FRAS1: variants seen among roughly 807,000 people sequenced by gnomAD.
FRAS1 encodes Fraser extracellular matrix complex subunit 1, also known as extracellular matrix organizing protein FRAS1.
Under a neutral mutation model 435.2 loss-of-function variants are expected in FRAS1, and 290 were observed. The observed-to-expected ratio is 0.67, with a 90% CI of 0.61 to 0.73. The LOEUF (loss-of-function observed/expected upper bound fraction) is 0.73. Among genes scored for constraint, FRAS1 ranks in the 30% least tolerant of loss-of-function variants. The probability of loss-of-function intolerance (pLI) is 0.00; values close to 1 mark genes in which losing one functional copy is unlikely to be tolerated. For missense variants in FRAS1, 4,860 were observed against 5,001.5 expected (o/e 0.97, Z 0.85); for synonymous variants, 1,800 against 1,851.0 (o/e 0.97, Z 0.71).
chr4:78,284,298 C>A, intron 12 of FRAS1, 107 bp from the exon 13 acceptor site: 5 of 581,622 alleles, frequency 8.6e-6, no homozygotes, highest in East Asian at 8.3e-5. Context: ...TTCTGTTCTT[C>A]ATGTTCTATG....
chr4:78,522,980 CAGG>C (rs1721433499), intron 69 of FRAS1, among the ~76,000 whole-genome samples, 172 bp downstream of exon 69: 2 of 152,162 alleles, frequency 1.3e-5, no homozygotes, highest in South Asian at 4.1e-4. Flanking sequence ...CCCAGCTACT[CAGG>C]AGGATCACTT....
intron 9 of FRAS1, among the ~76,000 whole-genome samples, chr4:78,276,383 G>T (rs1578222640): frequency 6.6e-6 from 1 of 152,338 alleles, no homozygotes; most frequent in South Asian, 2.1e-4. Context: ...TGGAGGGGTA[G>T]AGGTGCTCTG....
intron 9 of FRAS1, among the ~76,000 whole-genome samples, chr4:78,270,127 T>G (rs1443501315): frequency 6.6e-6 from 1 of 152,136 alleles, no homozygotes; most frequent in Non-Finnish European, 1.5e-5. Flanking sequence ...CTAATTGGAG[T>G]GAACTCCCCA....
At chr4:78,342,127 C>T (rs1299115152) in intron 20 of FRAS1, among the ~76,000 whole-genome samples, 1 of 152,180 alleles carries the variant, frequency 6.6e-6, no homozygotes, top group African/African-American at 2.4e-5. Context: ...TTGGGAAGTC[C>T]TAGCTCATGG....
chr4:78,210,681 G>A (rs1303054055), intron 2 of FRAS1, among the ~76,000 whole-genome samples: 1 of 152,200 alleles, frequency 6.6e-6, no homozygotes, highest in Non-Finnish European at 1.5e-5. Flanking sequence ...CTACGAGAAG[G>A]ATGATACAAT....
intron 3 of FRAS1, among the ~76,000 whole-genome samples, chr4:78,240,449 G>C (rs1235963798): frequency 2.0e-5 from 3 of 152,088 alleles, no homozygotes; most frequent in East Asian, 3.9e-4. Context: ...AAGGAGAAAC[G>C]ACTGCCATAT....
intron 2 of FRAS1, among the ~76,000 whole-genome samples, chr4:78,192,581 T>C (rs1389109957): frequency 6.6e-6 from 1 of 152,232 alleles, no homozygotes; most frequent in Admixed American, 6.5e-5. Context: ...TAGTATTCTC[T>C]GATGGTAGTT....
chr4:78,432,281 G>A (rs1282640221), intron 37 of FRAS1, 76 bp from the exon 38 acceptor site: 2 of 1,426,528 alleles, frequency 1.4e-6, no homozygotes, highest in East Asian at 5.0e-5. Flanking sequence ...TTAAAGTCCT[G>A]AAAACAAAGG....
intron 26 of FRAS1, among the ~76,000 whole-genome samples, chr4:78,378,787 A>G (rs187638430): frequency 2.0e-5 from 3 of 152,210 alleles, no homozygotes; most frequent in Admixed American, 2.0e-4. Context: ...CTTTGTAGAT[A>G]TATGATTTGC....
intron 2 of FRAS1, chr4:78,070,945 A>C (rs934194212): frequency 2.0e-5 from 3 of 152,210 alleles, no homozygotes; most frequent in Non-Finnish European, 4.4e-5. Context: ...TACAGTGCTC[A>C]ATAAAGGTTG....
At chr4:78,515,771 T>C (rs773253467) in intron 65 of FRAS1, 28 bp from the exon 66 acceptor site, 2 of 1,607,026 alleles carry the variant, frequency 1.2e-6, no homozygotes, top group South Asian at 1.1e-5. Flanking sequence ...AACCAAGTTA[T>C]CGTTCCTTGT....
At chr4:78,321,979 C>G (rs1281279870) in intron 18 of FRAS1, among the ~76,000 whole-genome samples, 1 of 152,046 alleles carries the variant, frequency 6.6e-6, no homozygotes, top group Non-Finnish European at 1.5e-5. Flanking sequence ...TATTAGATAT[C>G]ATACATATAG....
At position 78,543,346 on chromosome 4, in the gene FRAS1, A is replaced by C. The variant is rs542949359; in HGVS notation, c.*2222A>C. 4 of 152,446 alleles carry C rather than the reference A, an allele frequency of 2.6e-5. No individual in the cohort carries two copies. The South Asian group carries it at 6.2e-4, about 24-fold the overall frequency. 9.4% of individuals were successfully genotyped at this position (152,446 alleles called of 1,614,324 possible). A position where few individuals can be genotyped will look rare whatever the true frequency, so the allele number is the denominator to read the frequency against. On this transcript the variant is annotated 3_prime_UTR_variant, in exon 74 of 74. Transcript: ENST00000512123. ...TGCCAGAATGCTTACACGTTAAAGC[A>C]GCACCTTTCCATTTGCCCACATATT...
In FRAS1 at chr4:78,333,429, C is replaced by T. The variant is rs760800339; in HGVS notation, c.2278+17C>T. On this transcript the variant is annotated intron_variant, in intron 19 of 73. Transcript: ENST00000512123. ...GTTGCACAGGTGAGTATGTAATGTG[C>T]TGAGGCACATTGCCTATGACCATGT... The T allele has an allele frequency of 1.6e-5, 25 of 1,606,268 alleles. No individual in the cohort carries two copies. Among genetic ancestry groups the T allele is most frequent in the Non-Finnish European group, 2.1e-5 (25 of 1,176,640 alleles).
At chr4:78,293,698 C>A (rs1728011280) in intron 14 of FRAS1, among the ~76,000 whole-genome samples, 1 of 152,032 alleles carries the variant, frequency 6.6e-6, no homozygotes, top group African/African-American at 2.4e-5. Flanking sequence ...TAAACAAGAC[C>A]CAATGAGGCA....
At chr4:78,507,355 C>T in intron 61 of FRAS1, 66 bp from the exon 62 acceptor site, 3 of 1,373,734 alleles carry the variant, frequency 2.2e-6, no homozygotes, top group Non-Finnish European at 3.0e-6. Context: ...CAGTGCCAAG[C>T]TGCACTCTCT....
At chr4:78,356,192 G>C (rs929164926) in intron 20 of FRAS1, among the ~76,000 whole-genome samples, 1 of 152,176 alleles carries the variant, frequency 6.6e-6, no homozygotes, top group African/African-American at 2.4e-5. Flanking sequence ...TAACTGACGA[G>C]ACAGTTGGAA....
intron 20 of FRAS1, among the ~76,000 whole-genome samples, chr4:78,361,039 G>T (rs1731054843): frequency 6.6e-6 from 1 of 152,244 alleles, no homozygotes; most frequent in African/African-American, 2.4e-5. Flanking sequence ...TTGCTTTAAA[G>T]AGGATAGGCC....
At chr4:78,146,952 C>A (rs1057439546) in intron 2 of FRAS1, among the ~76,000 whole-genome samples, 7 of 151,990 alleles carry the variant, frequency 4.6e-5, no homozygotes, top group African/African-American at 1.7e-4. Context: ...AATGTTGACC[C>A]CAGACTTTAA....
Sources: allele counts gnomAD v4.1 joint callset (sites outside exome capture counted in the v4.1 genomes callset), GRCh38; gene constraint gnomAD v4.1.1; transcripts MANE v1.5; gene names NCBI Gene and HGNC (gene_info 2026-07-23, HGNC 2026-07-21).